RNF115: variants seen among roughly 807,000 people sequenced by gnomAD.
The protein encoded by RNF115 is E3 ubiquitin-protein ligase RNF115.
RNF115 carries 31 observed loss-of-function variants against 39.2 expected under a neutral mutation model. That is an observed-to-expected ratio of 0.79 (90% CI 0.59 to 1.07). The LOEUF (loss-of-function observed/expected upper bound fraction) is 1.07, where lower values mean the gene tolerates loss of function less well. RNF115 is among the 50% of genes least tolerant of loss of function. The probability of loss-of-function intolerance (pLI) is 0.00; values close to 1 mark genes in which losing one functional copy is unlikely to be tolerated. For synonymous variants in RNF115, 124 were observed against 131.0 expected, an observed-to-expected ratio of 0.95 and a Z score of 0.37; for missense variants, 384 against 381.7, an observed-to-expected ratio of 1.01 and a Z score of -0.05.
At chr1:145,809,487 A>ACTTTTTTTTT (rs1649603863) in intron 1 of RNF115, among the ~76,000 whole-genome samples, 1 of 25,608 alleles carries the variant, frequency 3.9e-5, no homozygotes, top group African/African-American at 2.2e-4. Context: ...AGACCCAGCT[A>ACTTTTTTTTT]ATTTTTTTTT....
chr1:145,819,324 C>T (rs1225779627), intron 1 of RNF115, among the ~76,000 whole-genome samples: 3 of 147,932 alleles, frequency 2.0e-5, no homozygotes, highest in Admixed American at 6.8e-5. Context: ...TAGCACATAC[C>T]CGTAGGTCCA....
intron 2 of RNF115, chr1:145,787,038 G>T: frequency 7.8e-7 from 1 of 1,276,536 alleles, no homozygotes; most frequent in Non-Finnish European, 1.0e-6. Flanking sequence ...TTTCCTGGTT[G>T]TGGAAGGGAC....
At chr1:145,797,040 T>G (rs1445246899) in intron 1 of RNF115, among the ~76,000 whole-genome samples, 1 of 152,194 alleles carries the variant, frequency 6.6e-6, no homozygotes, top group Admixed American at 6.5e-5. Context: ...CCAGATGATA[T>G]CAAGGAACTG....
rs1272766501 is a variant in RNF115, at chr1:145,744,580, A to G, written c.*2286T>C. On this transcript the variant is annotated 3_prime_UTR_variant, in exon 9 of 9. Coordinates refer to ENST00000582693, the MANE Select transcript of RNF115 (RefSeq NM_014455.4). ...CTCTCTGACTCCTTCATCCTTTACC[A>G]AAGTACAGAGAAACGTTATCTCTAG... is the stretch of plus-strand genomic sequence containing the variant. The G allele has an allele frequency of 6.6e-6, 1 of 152,214 alleles. No individual in the cohort carries two copies. Among genetic ancestry groups the G allele is most frequent in the African/African-American group, 2.4e-5 (1 of 41,424 alleles). The allele number at this position is 152,214 out of a possible 1,614,324, so 9.4% of individuals were successfully genotyped here. A position where few individuals can be genotyped will look rare whatever the true frequency, so the allele number is the denominator to read the frequency against.
At chr1:145,808,862 T>TTA (rs1649571421) in intron 1 of RNF115, among the ~76,000 whole-genome samples, 1 of 152,122 alleles carries the variant, frequency 6.6e-6, no homozygotes, top group Non-Finnish European at 1.5e-5. Context: ...AACAGTTTAA[T>TTA]AAGTTTGAGA....
At chr1:145,772,927 A>C (rs1191605143) in intron 3 of RNF115, 8 of 152,174 alleles carry the variant, frequency 5.3e-5, no homozygotes, top group Non-Finnish European at 1.0e-4. Flanking sequence ...AAACTATATA[A>C]TTTCAGTGGA....
intron 1 of RNF115, among the ~76,000 whole-genome samples, chr1:145,790,117 T>A (rs1648595825): frequency 6.6e-6 from 1 of 152,132 alleles, no homozygotes; most frequent in Non-Finnish European, 1.5e-5. Context: ...GTGTCAAAGA[T>A]TTTTTTATTT....
At chr1:145,815,731 T>TA (rs1190941177) in intron 1 of RNF115, among the ~76,000 whole-genome samples, 2 of 150,972 alleles carry the variant, frequency 1.3e-5, no homozygotes, top group African/African-American at 4.9e-5. Context: ...ATTTATTCTA[T>TA]AATCTGATGA....
chr1:145,815,373 T>C (rs1553723390), intron 1 of RNF115, among the ~76,000 whole-genome samples: 1 of 152,278 alleles, frequency 6.6e-6, no homozygotes, highest in African/African-American at 2.4e-5. Flanking sequence ...GATACCCTGA[T>C]CTCCATAAAA....
intron 4 of RNF115, among the ~76,000 whole-genome samples, chr1:145,763,895 CCCCTCCCCCTCT>C (rs1306403368): frequency 5.3e-5 from 7 of 132,520 alleles, no homozygotes; most frequent in East Asian, 2.5e-4. Context: ...CCTCCCCCTC[CCCCTCCCCCTCT>C]CCCTCTCCCC....
intron 3 of RNF115, among the ~76,000 whole-genome samples, chr1:145,783,008 C>A (rs964378055): frequency 1.3e-5 from 2 of 152,110 alleles, no homozygotes; most frequent in African/African-American, 4.8e-5. Flanking sequence ...ATTACAGGCT[C>A]ATGCCACCAT....
chr1:145,792,954 C>A (rs1648746334), intron 1 of RNF115, among the ~76,000 whole-genome samples: 2 of 152,192 alleles, frequency 1.3e-5, no homozygotes, highest in South Asian at 4.1e-4. Flanking sequence ...CCACATAAAT[C>A]CCTGAGTCCT....
At chr1:145,793,542 C>T (rs1012704535) in intron 1 of RNF115, among the ~76,000 whole-genome samples, 2 of 152,116 alleles carry the variant, frequency 1.3e-5, no homozygotes, top group African/African-American at 4.8e-5. Flanking sequence ...CAACTCCCCC[C>T]AAATGTGTAT....
chr1:145,767,703 A>AG (rs1559111840), intron 4 of RNF115, among the ~76,000 whole-genome samples: 3 of 152,130 alleles, frequency 2.0e-5, no homozygotes. Flanking sequence ...GAGTGAACGC[A>AG]ACTCCGTCTG....
At chr1:145,811,907 AAATATATAT>A (rs1649735777) in intron 1 of RNF115, among the ~76,000 whole-genome samples, 1 of 94,688 alleles carries the variant, frequency 1.1e-5, no homozygotes, top group African/African-American at 4.2e-5. Context: ...AAAAAAAAAA[AAATATATAT>A]ATATATATAT....
chr1:145,806,643 T>C (rs1375838597), intron 1 of RNF115, among the ~76,000 whole-genome samples: 1 of 152,072 alleles, frequency 6.6e-6, no homozygotes, highest in Non-Finnish European at 1.5e-5. Context: ...ATGTGGTTGT[T>C]TAAAAGAGTG....
intron 4 of RNF115, among the ~76,000 whole-genome samples, chr1:145,759,344 A>G (rs1313136631): frequency 6.6e-6 from 1 of 152,202 alleles, no homozygotes; most frequent in African/African-American, 2.4e-5. Context: ...CAAACTTATT[A>G]TGTCCCAAAC....
intron 3 of RNF115, among the ~76,000 whole-genome samples, chr1:145,779,175 AT>A (rs35142462): frequency 0.45 from 64,515 of 141,904 alleles, 13,824 homozygotes; most frequent in East Asian, 0.66. Flanking sequence ...TGAAGTCCTA[AT>A]TTTTTTTTTT....
At chr1:145,765,546 C>T (rs1419916201) in intron 4 of RNF115, among the ~76,000 whole-genome samples, 1 of 152,084 alleles carries the variant, frequency 6.6e-6, no homozygotes, top group African/African-American at 2.4e-5. Context: ...ATGTACTAAA[C>T]AACCATCTGA....
Sources: allele counts gnomAD v4.1 joint callset (sites outside exome capture counted in the v4.1 genomes callset), GRCh38; gene constraint gnomAD v4.1.1; transcripts MANE v1.5; gene names NCBI Gene and HGNC (gene_info 2026-07-23, HGNC 2026-07-21).